STXBP5: variants seen among roughly 807,000 people sequenced by gnomAD.
The protein encoded by STXBP5 is syntaxin binding protein 5, also known as syntaxin-binding protein 5.
A neutral mutation model predicts 152.4 loss-of-function variants in STXBP5; 50 were observed. That is an observed-to-expected ratio of 0.33 (90% CI 0.26 to 0.42). STXBP5 has a LOEUF of 0.42. STXBP5 is among the 10% of genes least tolerant of loss of function. The pLI, the probability that STXBP5 is intolerant of heterozygous loss-of-function variation, is 1.00. For missense variants in STXBP5, 1,167 were observed against 1,388.6 expected, an observed-to-expected ratio of 0.84 and a Z score of 2.54; for synonymous variants, 492 against 494.7, an observed-to-expected ratio of 0.99 and a Z score of 0.07.
intron 15 of STXBP5, 31 bp from the exon 16 acceptor site, chr6:147,316,198 G>A (rs1334096307): frequency 1.3e-6 from 2 of 1,585,022 alleles, no homozygotes; most frequent in Non-Finnish European, 1.7e-6. Context: ...TAATTATTAG[G>A]AGTAAGTAAA....
rs762710708 is a variant in STXBP5, at chr6:147,315,564, G to A, written c.1452G>A (p.Lys484=). ...YKLKTSKVFE[K]SRNKDDRPNT... The stretch of plus-strand genomic sequence containing the variant: ...TAAAGACATCTAAAGTATTTGAAAA[G>A]TCAAGAAATAAAGATGACAGGCCAA... The change falls in exon 15 of 28, where the codon AAG becomes AAA. Residue 484 remains lysine, a synonymous_variant. Transcript: ENST00000321680. 4.3e-5 allele frequency: 70 copies of A among 1,613,524 alleles called. No individual in the cohort carries two copies. The highest frequency in any genetic ancestry group is 5.8e-5 in the Non-Finnish European group (69 of 1,179,780).
chr6:147,215,444 T>TA lies in STXBP5; in HGVS notation c.248+9377dup, dbSNP rs1177806483. Among the ~76,000 whole-genome samples the TA allele has an allele frequency of 7.9e-5, 12 of 152,242 alleles. No individual in the cohort carries two copies. In the East Asian group the frequency reaches 2.3e-3, roughly 29 times the overall value. The stretch of plus-strand genomic sequence containing the variant: ...TCGCCCAGGTGGAGTATAGTGGTGC[T>TA]ATCTCGGCTCACTACAACCTCTGCC... On this transcript the variant is annotated intron_variant, in intron 2 of 27. Transcript: ENST00000321680.
chr6:147,312,547 G>A (rs1259987463), intron 11 of STXBP5, among the ~76,000 whole-genome samples: 4 of 151,984 alleles, frequency 2.6e-5, no homozygotes, highest in Non-Finnish European at 5.9e-5. Flanking sequence ...AGGGTGTTGC[G>A]ACTGGCATCT....
chr6:147,247,605 G>C (rs1008396211), intron 4 of STXBP5, among the ~76,000 whole-genome samples: 4 of 152,154 alleles, frequency 2.6e-5, no homozygotes, highest in Admixed American at 2.6e-4. Context: ...TCACCTCCTA[G>C]AATAAAATTA....
intron 9 of STXBP5, among the ~76,000 whole-genome samples, chr6:147,296,655 C>T (rs1368132067): frequency 6.6e-6 from 1 of 151,914 alleles, no homozygotes. Flanking sequence ...TACAATATGC[C>T]CATAAAGAAA....
At chr6:147,206,424 C>G (rs1307960248) in intron 2 of STXBP5, among the ~76,000 whole-genome samples, 4 of 152,102 alleles carry the variant, frequency 2.6e-5, no homozygotes, top group South Asian at 2.1e-4. Flanking sequence ...AAGACAATTA[C>G]TTTTAAAAAT....
chr6:147,352,672 A>G (rs1784642335), intron 21 of STXBP5, among the ~76,000 whole-genome samples: 1 of 152,184 alleles, frequency 6.6e-6, no homozygotes, highest in Non-Finnish European at 1.5e-5. Context: ...AAGATTTTAT[A>G]TCACATACCC....
At chr6:147,338,644 C>G (rs781186690) in intron 19 of STXBP5, among the ~76,000 whole-genome samples, 5 of 151,566 alleles carry the variant, frequency 3.3e-5, no homozygotes, top group Non-Finnish European at 5.9e-5. Flanking sequence ...GACATTTGAA[C>G]ATATCTACAA....
intron 16 of STXBP5, among the ~76,000 whole-genome samples, chr6:147,317,179 G>T (rs910079097): frequency 1.1e-4 from 17 of 152,122 alleles, no homozygotes; most frequent in African/African-American, 4.1e-4. Context: ...GTAAGTAAGA[G>T]AAATAATTTG....
chr6:147,230,115 T>C (rs1020408298), intron 2 of STXBP5, among the ~76,000 whole-genome samples: 19 of 152,066 alleles, frequency 1.2e-4, no homozygotes, highest in African/African-American at 3.9e-4. Context: ...CGTTGAGATA[T>C]GTGGTTGTGC....
rs560827993 is a variant in STXBP5 at position 147,305,010 on chromosome 6, C to A, written c.918-5074C>A. On this transcript the variant is annotated intron_variant, in intron 9 of 27. Coordinates refer to ENST00000321680, the MANE Select transcript of STXBP5 (RefSeq NM_001127715.4). ...AGATCCTCAATAGCATCCTCACATT[C>A]CCCCCACAAACCCAGTGATAGAGTA... Among the ~76,000 whole-genome samples, 331 of 152,216 alleles carry A rather than the reference C, an allele frequency of 2.2e-3. 2 individuals carry two copies. Among genetic ancestry groups the A allele is most frequent in the African/African-American group, 7.3e-3 (305 of 41,558 alleles).
chr6:147,323,368 A>G (rs535582650), intron 16 of STXBP5, among the ~76,000 whole-genome samples: 46 of 151,314 alleles, frequency 3.0e-4, no homozygotes, highest in Non-Finnish European at 5.6e-4. Context: ...GATATTTCTT[A>G]TCAACCTTCA....
chr6:147,223,486 A>G (rs549187006), intron 2 of STXBP5, among the ~76,000 whole-genome samples: 6 of 152,344 alleles, frequency 3.9e-5, no homozygotes, highest in African/African-American at 7.2e-5. Context: ...TGATTATTCA[A>G]TTAGAAAAAA....
intron 4 of STXBP5, among the ~76,000 whole-genome samples, chr6:147,258,150 A>G (rs1325459306): frequency 1.3e-5 from 2 of 152,208 alleles, no homozygotes; most frequent in Non-Finnish European, 2.9e-5. Flanking sequence ...TCATTGGCGC[A>G]TGCAAGCCAC....
intron 22 of STXBP5, among the ~76,000 whole-genome samples, 158 bp from the exon 23 acceptor site, chr6:147,358,926 A>G (rs1784933766): frequency 6.6e-6 from 1 of 152,174 alleles, no homozygotes; most frequent in African/African-American, 2.4e-5. Context: ...GTTCAAACCC[A>G]TGTTGTTCAA....
intron 18 of STXBP5, among the ~76,000 whole-genome samples, chr6:147,329,961 A>T (rs969708601): frequency 7.6e-4 from 115 of 152,138 alleles, no homozygotes; most frequent in Non-Finnish European, 1.5e-3. Context: ...GTTTGGAGAA[A>T]TTTTTTTGTT....
At chr6:147,342,048 A>T (rs1334589683) in intron 21 of STXBP5, among the ~76,000 whole-genome samples, 1 of 152,164 alleles carries the variant, frequency 6.6e-6, no homozygotes, top group Non-Finnish European at 1.5e-5. Flanking sequence ...GTCCTCTTAA[A>T]CACTGTGCTA....
intron 16 of STXBP5, among the ~76,000 whole-genome samples, chr6:147,317,898 T>A (rs946729196): frequency 6.6e-6 from 1 of 152,230 alleles, no homozygotes; most frequent in African/African-American, 2.4e-5. Context: ...AGCCCTTTGT[T>A]ACATTTAATT....
At chr6:147,307,586 A>G (rs1045841905) in intron 9 of STXBP5, among the ~76,000 whole-genome samples, 1 of 152,112 alleles carries the variant, frequency 6.6e-6, no homozygotes, top group Non-Finnish European at 1.5e-5. Flanking sequence ...TTTACTCTTC[A>G]AGTTTGAGGC....
Sources: gnomAD v4.1 joint callset for allele counts (sites outside exome capture counted in the v4.1 genomes callset) on GRCh38, gnomAD v4.1.1 for gene constraint, MANE v1.5 for transcripts, NCBI Gene and HGNC (gene_info 2026-07-23, HGNC 2026-07-21) for gene names.